CA13: variants seen among roughly 807,000 people sequenced by gnomAD.
CA13 encodes the protein carbonic anhydrase 13.
In CA13, 21 loss-of-function variants were observed where a neutral mutation model predicts 31.5. That is an observed-to-expected ratio of 0.67 (90% CI 0.47 to 0.96). CA13 has a LOEUF of 0.96. Ranked by LOEUF, CA13 falls within the 40% of genes least tolerant of loss-of-function variation. CA13 has a pLI of 0.00. For missense variants in CA13, 315 were observed against 318.9 expected (o/e 0.99, Z 0.09); for synonymous variants, 117 against 111.4 (o/e 1.05, Z -0.32).
In CA13 at chr8:85,283,381, G is replaced by A. The variant is rs569313484; in HGVS notation, c.*2032G>A. On this transcript the variant is annotated 3_prime_UTR_variant, in exon 7 of 7. Coordinates refer to ENST00000321764, the MANE Select transcript of CA13 (RefSeq NM_198584.3). ...AATGTTCTTTTCCCCTCAGTGTCTAGTTTAAGGCTTTTAGAAGATTGATCT... is the reference window on the plus strand; with the variant it reads ...AATGTTCTTTTCCCCTCAGTGTCTAATTTAAGGCTTTTAGAAGATTGATCT... The A allele has an allele frequency of 3.9e-5, 6 of 152,178 alleles. No homozygotes were observed. Among genetic ancestry groups the A allele is most frequent in the African/African-American group, 7.2e-5 (3 of 41,436 alleles). 9.4% of individuals were successfully genotyped at this position (152,178 alleles called of 1,614,324 possible).
At chr8:85,254,785 T>C in intron 2 of CA13, among the ~76,000 whole-genome samples, 1 of 151,342 alleles carries the variant, frequency 6.6e-6, no homozygotes, top group African/African-American at 2.4e-5. Flanking sequence ...TTTTTTTTTT[T>C]TTTGGTTTTG....
intron 6 of CA13, among the ~76,000 whole-genome samples, chr8:85,275,626 T>G: frequency 6.6e-6 from 1 of 152,214 alleles, no homozygotes; most frequent in African/African-American, 2.4e-5. Flanking sequence ...GGCTATAATC[T>G]GTTCTCTCTT....
chr8:85,255,460 C>T (rs1359233716), intron 2 of CA13, among the ~76,000 whole-genome samples: 1 of 151,890 alleles, frequency 6.6e-6, no homozygotes, highest in African/African-American at 2.4e-5. Flanking sequence ...GACAGGGTTT[C>T]GCCATGTTGG....
intron 2 of CA13, among the ~76,000 whole-genome samples, chr8:85,251,979 C>T (rs377469286): frequency 1.3e-4 from 19 of 151,960 alleles, no homozygotes; most frequent in African/African-American, 4.4e-4. Flanking sequence ...AAACTGCAGC[C>T]GGGTGTGGTG....
chr8:85,249,816 GA>G (rs1280181151), intron 1 of CA13: 2 of 451,372 alleles, frequency 4.4e-6, no homozygotes, highest in Non-Finnish European at 8.9e-6. Flanking sequence ...GAATGACATG[GA>G]ACTTACGTGA....
intron 2 of CA13, among the ~76,000 whole-genome samples, chr8:85,253,060 C>G (rs79199894): frequency 6.6e-6 from 1 of 152,092 alleles, no homozygotes; most frequent in East Asian, 1.9e-4. Context: ...ATTCTCCTGC[C>G]TCCGCCTCCC....
intron 3 of CA13, among the ~76,000 whole-genome samples, chr8:85,262,676 A>G (rs1479909892): frequency 1.3e-5 from 2 of 152,202 alleles, no homozygotes; most frequent in Non-Finnish European, 2.9e-5. Flanking sequence ...TTCAAAAATA[A>G]TTCAACTACT....
chr8:85,274,946 G>T (rs975533832), intron 6 of CA13, among the ~76,000 whole-genome samples: 1 of 152,152 alleles, frequency 6.6e-6, no homozygotes, highest in Non-Finnish European at 1.5e-5. Context: ...AAAGTAAAAA[G>T]AATCCAGCTT....
At chr8:85,273,108 G>A (rs1409326020) in intron 6 of CA13, among the ~76,000 whole-genome samples, 1 of 152,232 alleles carries the variant, frequency 6.6e-6, no homozygotes, top group Non-Finnish European at 1.5e-5. Context: ...ATGAGCCACT[G>A]TGCCCAGCTG....
At position 85,269,585 on chromosome 8, in the gene CA13, G is replaced by T. The variant is rs570314325; in HGVS notation, c.669+958G>T. ...TTGGCATTTGTTGACAAAAACTTTT[G>T]TTGGGCTGTCTGAGGGGCTTAATGC... On this transcript the variant is annotated intron_variant, in intron 6 of 6. Transcript: ENST00000321764. Among the ~76,000 whole-genome samples, 344 of 152,316 alleles carry T rather than the reference G, an allele frequency of 2.3e-3. 2 individuals are homozygous for T. Among genetic ancestry groups the T allele is most frequent in the South Asian group, 0.016 (77 of 4,820 alleles).
In CA13 at chr8:85,281,947, A is replaced by G. The variant is rs1018691395; in HGVS notation, c.*598A>G. ...CAACCTGTGTGAAAATATAGTTAAC[A>G]TTGCAAACTTTAGAATGTATTAAAA... is the stretch of plus-strand genomic sequence containing the variant. On this transcript the variant is annotated 3_prime_UTR_variant, in exon 7 of 7. Coordinates refer to ENST00000321764, the MANE Select transcript of CA13 (RefSeq NM_198584.3). 2.0e-5 allele frequency: 3 copies of G among 152,232 alleles called. No homozygotes were observed. The highest frequency in any genetic ancestry group is 4.8e-5 in the African/African-American group (2 of 41,466). The allele number at this position is 152,232 out of a possible 1,614,324, so 9.4% of individuals were successfully genotyped here.
At chr8:85,280,184 G>A (rs1021100929) in intron 6 of CA13, among the ~76,000 whole-genome samples, 2 of 152,168 alleles carry the variant, frequency 1.3e-5, no homozygotes, top group African/African-American at 4.8e-5. Context: ...GGAGGCTGAG[G>A]CAGGAGAATT....
chr8:85,261,876 C>T (rs1258031899), intron 3 of CA13, among the ~76,000 whole-genome samples: 1 of 150,250 alleles, frequency 6.7e-6, no homozygotes, highest in Admixed American at 6.6e-5. Flanking sequence ...GACAGGCTCT[C>T]GATCTGTTGC....
rs563930421 is a variant in CA13 at position 85,273,810 on chromosome 8, C to T, written c.669+5183C>T. Reference sequence around the variant, plus strand: ...ATTGGTTCGAACCCCAAGAGTGCGCCGACAGACAACACGAGGTGGTGTGGA... The same window carrying T: ...ATTGGTTCGAACCCCAAGAGTGCGCTGACAGACAACACGAGGTGGTGTGGA... On this transcript the variant is annotated intron_variant, in intron 6 of 6. Transcript: ENST00000321764. Among the ~76,000 whole-genome samples the T allele has an allele frequency of 4.6e-5, 7 of 152,094 alleles. No individual in the cohort carries two copies. The South Asian group carries it at 6.2e-4, about 14-fold the overall frequency.
At chr8:85,253,329 A>T (rs900880748) in intron 2 of CA13, among the ~76,000 whole-genome samples, 38 of 151,490 alleles carry the variant, frequency 2.5e-4, no homozygotes, top group Non-Finnish European at 4.1e-4. Flanking sequence ...CAGTGGTGCA[A>T]TCATGGCTCA....
In CA13 at chr8:85,250,232, G is replaced by T. The variant is rs78574232; in HGVS notation, c.38-508G>T. On this transcript the variant is annotated intron_variant, in intron 1 of 6. Transcript: ENST00000321764. ...ATCACAGGTAATTGAGTGGAGGCCT[G>T]AGTGACACTAGACGATAGCATTGAG... Among the ~76,000 whole-genome samples, 406 of 152,306 alleles carry T rather than the reference G, an allele frequency of 2.7e-3. 12 individuals are homozygous for T. The East Asian group carries it at 0.062, about 23-fold the overall frequency.
At chr8:85,254,510 T>G (rs898595698) in intron 2 of CA13, among the ~76,000 whole-genome samples, 2 of 152,182 alleles carry the variant, frequency 1.3e-5, no homozygotes, top group Non-Finnish European at 2.9e-5. Flanking sequence ...TCAATTTATG[T>G]TTCCAGATTT....
rs1378432480 is a variant in CA13, at chr8:85,281,913, T to C, written c.*564T>C. ...GACATATATTAAAACCCATGAAATA[T>C]GTCTACTTCAACCTGTGTGAAAATA... On this transcript the variant is annotated 3_prime_UTR_variant, in exon 7 of 7. Transcript: ENST00000321764. 1 of 152,184 alleles carries C rather than the reference T, an allele frequency of 6.6e-6. No homozygotes were observed. The highest frequency in any genetic ancestry group is 1.5e-5 in the Non-Finnish European group (1 of 68,050). 9.4% of individuals were successfully genotyped at this position (152,184 alleles called of 1,614,324 possible). A position where few individuals can be genotyped will look rare whatever the true frequency, so the allele number is the denominator to read the frequency against.
Position 85,259,455 on chromosome 8 carries a change from G to T in CA13, c.270G>T (p.Arg90Ser). 12 of 1,614,064 alleles carry T rather than the reference G, an allele frequency of 7.4e-6. No individual in the cohort carries two copies. Among genetic ancestry groups the T allele is most frequent in the Non-Finnish European group, 1.0e-5 (12 of 1,179,988 alleles). Residue 90 changes from arginine to serine, a missense_variant, in exon 3 of 7, where the codon AGG (arginine) becomes AGT (serine). Physicochemically the swap from Arg to Ser is moderately radical, Grantham distance 110. Coordinates refer to ENST00000321764, the MANE Select transcript of CA13 (RefSeq NM_198584.3). Reference sequence around the variant, plus strand: ...GTGGTCCTCTCACTGGAAGCTACAGGTTACGGCAGGTTCACCTTCACTGGG... The same window carrying T: ...GTGGTCCTCTCACTGGAAGCTACAGTTTACGGCAGGTTCACCTTCACTGGG... ...LRGGPLTGSY[R>S]LRQVHLHWGS...
Sources: allele counts gnomAD v4.1 joint callset (sites outside exome capture counted in the v4.1 genomes callset), GRCh38; gene constraint gnomAD v4.1.1; transcripts MANE v1.5; gene names NCBI Gene and HGNC (gene_info 2026-07-23, HGNC 2026-07-21).